DSTYK: variants seen among roughly 807,000 people sequenced by gnomAD.
DSTYK encodes RIP-homologous kinase.
DSTYK carries 34 observed loss-of-function variants against 98.7 expected under a neutral mutation model. The ratio of observed to expected loss-of-function variants is 0.34; its 90% CI spans 0.26 to 0.46. The LOEUF (loss-of-function observed/expected upper bound fraction) is 0.46, where lower values mean the gene tolerates loss of function less well. Ranked by LOEUF, DSTYK falls within the 20% of genes least tolerant of loss-of-function variation. DSTYK has a pLI of 1.00. For synonymous variants in DSTYK, 462 were observed against 457.3 expected (o/e 1.01, Z -0.13); for missense variants, 962 against 1,181.7 (o/e 0.81, Z 2.73).
intron 1 of DSTYK, among the ~76,000 whole-genome samples, chr1:205,191,864 T>C (rs1658722923): frequency 6.6e-6 from 1 of 152,180 alleles, no homozygotes; most frequent in African/African-American, 2.4e-5. Context: ...TTTTCTTTTG[T>C]AATTAATACA....
At position 205,143,578 on chromosome 1, in the gene DSTYK, G is replaced by A. The variant is rs1281869263; in HGVS notation, c.*3980C>T. 6.6e-6 allele frequency: 1 copy of A among 152,566 alleles called. No individual in the cohort carries two copies. The highest frequency in any genetic ancestry group is 1.5e-5 in the Non-Finnish European group (1 of 68,044). 9.5% of individuals were successfully genotyped at this position (152,566 alleles called of 1,614,324 possible). A position where few individuals can be genotyped will look rare whatever the true frequency, so the allele number is the denominator to read the frequency against. On this transcript the variant is annotated 3_prime_UTR_variant, in exon 13 of 13. Coordinates refer to ENST00000367162, the MANE Select transcript of DSTYK (RefSeq NM_015375.3). ...ATCATCTCTCCAAAGCAAGCCCAAA[G>A]GGGGCTTTAACTTCCCAAAGTGCTA...
intron 2 of DSTYK, among the ~76,000 whole-genome samples, chr1:205,186,447 A>G (rs1002596506): frequency 2.0e-5 from 3 of 152,208 alleles, no homozygotes; most frequent in Admixed American, 1.3e-4. Context: ...GGCCACAACC[A>G]AAGGACTCAT....
intron 1 of DSTYK, chr1:205,202,854 G>A (rs1029102171): frequency 7.7e-6 from 3 of 391,370 alleles, no homozygotes; most frequent in Middle Eastern, 1.5e-3. Flanking sequence ...TGAGTAACAG[G>A]TATAAGGTAA....
Position 205,147,105 on chromosome 1 carries a change from T to G in DSTYK, c.*453A>C, listed in dbSNP as rs1048667455. ...AGTTATTGTTTTTGTCCCCATGTTTTCATAATCCCAGAACTAAGCTCAAAT... is the reference window on the plus strand; with the variant it reads ...AGTTATTGTTTTTGTCCCCATGTTTGCATAATCCCAGAACTAAGCTCAAAT... On this transcript the variant is annotated 3_prime_UTR_variant, in exon 13 of 13. Coordinates refer to ENST00000367162, the MANE Select transcript of DSTYK (RefSeq NM_015375.3). 2.0e-5 allele frequency: 3 copies of G among 153,522 alleles called. No homozygotes were observed. The highest frequency in any genetic ancestry group is 2.0e-4 in the Admixed American group (3 of 15,380). The allele number at this position is 153,522 out of a possible 1,614,324, so 9.5% of individuals were successfully genotyped here. A position where few individuals can be genotyped will look rare whatever the true frequency, so the allele number is the denominator to read the frequency against.
At chr1:205,174,474 TTG>T in intron 2 of DSTYK, among the ~76,000 whole-genome samples, 1 of 145,602 alleles carries the variant, frequency 6.9e-6, no homozygotes, top group East Asian at 2.1e-4. Context: ...GATCATGCCA[TTG>T]TACTCCAGAA....
chr1:205,162,351 C>G (rs1657753542), intron 5 of DSTYK, 139 bp from the exon 6 acceptor site: 2 of 1,016,002 alleles, frequency 2.0e-6, no homozygotes, highest in Non-Finnish European at 2.8e-6. Context: ...GTCCAAAGTT[C>G]CTTTCCAATT....
At chr1:205,161,959 C>A in intron 6 of DSTYK, 77 bp downstream of exon 6, 1 of 1,436,262 alleles carries the variant, frequency 7.0e-7, no homozygotes. Flanking sequence ...ATATGAAGAG[C>A]GGAGAGCGAA....
rs376773999 is a variant in DSTYK, at chr1:205,148,191, C to T, written c.2602+14G>A. 3 of 1,613,862 alleles carry T rather than the reference C, an allele frequency of 1.9e-6. No homozygotes were observed. Among genetic ancestry groups the T allele is most frequent in the Admixed American group, 1.7e-5 (1 of 59,982 alleles). ...CCAGGGGAGTTAGGACAAGGTAGTA[C>T]TTGTGGCTCTTACCCCTCCGCACAT... On this transcript the variant is annotated intron_variant, in intron 12 of 12. Transcript: ENST00000367162.
chr1:205,160,657 C>A (rs959636620), intron 7 of DSTYK, among the ~76,000 whole-genome samples: 2 of 151,996 alleles, frequency 1.3e-5, no homozygotes, highest in African/African-American at 4.8e-5. Flanking sequence ...TCATTGTGAA[C>A]CTGCCTTTAG....
intron 10 of DSTYK, among the ~76,000 whole-genome samples, chr1:205,152,217 G>T (rs1172673181): frequency 1.3e-5 from 2 of 152,124 alleles, no homozygotes; most frequent in African/African-American, 4.8e-5. Flanking sequence ...CGCTCTTGTT[G>T]CCTAGGCTGG....
rs1422320862 is a variant in DSTYK at position 205,161,120 on chromosome 1, A to C, written c.1948+138T>G. The C allele has an allele frequency of 1.2e-5, 13 of 1,114,252 alleles. No homozygotes were observed. The South Asian group carries it at 1.5e-4, about 13-fold the overall frequency. 69.0% of individuals were successfully genotyped at this position (1,114,252 alleles called of 1,614,324 possible). ...ATAAATAGCAGGAAGAGACTTTAGGAATTCAAAAACATCAGTAAGGGTTTA... is the reference window on the plus strand; with the variant it reads ...ATAAATAGCAGGAAGAGACTTTAGGCATTCAAAAACATCAGTAAGGGTTTA... On this transcript the variant is annotated intron_variant, in intron 7 of 12. Transcript: ENST00000367162.
At chr1:205,194,154 C>T (rs1658793916) in intron 1 of DSTYK, among the ~76,000 whole-genome samples, 2 of 152,184 alleles carry the variant, frequency 1.3e-5, no homozygotes, top group African/African-American at 4.8e-5. Context: ...AAACAGTTTT[C>T]CCTGGGTCTT....
intron 1 of DSTYK, among the ~76,000 whole-genome samples, chr1:205,197,984 G>A (rs949241329): frequency 1.3e-5 from 2 of 152,054 alleles, no homozygotes; most frequent in Non-Finnish European, 2.9e-5. Flanking sequence ...ACCTGAGGTC[G>A]GGAGTTTGAG....
rs1033059496 is a variant in DSTYK, at chr1:205,144,551, A to G, written c.*3007T>C. The G allele has an allele frequency of 3.9e-5, 6 of 152,666 alleles. No homozygotes were observed. The highest frequency in any genetic ancestry group is 1.4e-4 in the African/African-American group (6 of 41,466). 9.5% of individuals were successfully genotyped at this position (152,666 alleles called of 1,614,324 possible). On this transcript the variant is annotated 3_prime_UTR_variant, in exon 13 of 13. Transcript: ENST00000367162. ...CAAAGAACAAAGCCAAAATTAGCTG[A>G]CAATGTTATAAAACAAAAGCAAAGT...
At chr1:205,157,471 AGTGATTTTT>A in intron 9 of DSTYK, 85 bp from the exon 10 acceptor site, 1 of 1,153,726 alleles carries the variant, frequency 8.7e-7, no homozygotes, top group Admixed American at 1.9e-5. Flanking sequence ...AGGACAGAAA[AGTGATTTTT>A]AAAAAGGGGA....
At chr1:205,209,549 TAAATGATACCGTTCCA>T (rs1659305150) in intron 1 of DSTYK, among the ~76,000 whole-genome samples, 1 of 151,492 alleles carries the variant, frequency 6.6e-6, no homozygotes, top group Admixed American at 6.6e-5. Context: ...GACAGGGTCC[TAAATGATACCGTTCCA>T]TTTAGTTGGT....
chr1:205,175,399 C>T lies in DSTYK; in HGVS notation c.655-5567G>A, dbSNP rs560065696. Among the ~76,000 whole-genome samples, 18 of 152,292 alleles carry T rather than the reference C, an allele frequency of 1.2e-4. 1 individual carries two copies. The East Asian group carries it at 3.5e-3, about 29-fold the overall frequency. Reference sequence around the variant, plus strand: ...GAGCCACCGTGCCCGCCAGAAGCTGCCTATTCCTAAATATACCTTGTACTA... The same window carrying T: ...GAGCCACCGTGCCCGCCAGAAGCTGTCTATTCCTAAATATACCTTGTACTA... On this transcript the variant is annotated intron_variant, in intron 2 of 12. Coordinates refer to ENST00000367162, the MANE Select transcript of DSTYK (RefSeq NM_015375.3).
intron 5 of DSTYK, 116 bp downstream of exon 5, chr1:205,162,807 A>T (rs1657771582): frequency 3.7e-6 from 3 of 801,786 alleles, no homozygotes; most frequent in Non-Finnish European, 6.4e-6. Flanking sequence ...AAACCAGAAC[A>T]AATGGTCACC....
chr1:205,164,234 C>T (rs1657819791), intron 3 of DSTYK, among the ~76,000 whole-genome samples: 3 of 152,164 alleles, frequency 2.0e-5, no homozygotes, highest in Non-Finnish European at 2.9e-5. Context: ...AGGAGGATTG[C>T]TTGAGCCCAG....
Sources: gnomAD v4.1 joint callset for allele counts (sites outside exome capture counted in the v4.1 genomes callset) on GRCh38, gnomAD v4.1.1 for gene constraint, MANE v1.5 for transcripts, NCBI Gene and HGNC (gene_info 2026-07-23, HGNC 2026-07-21) for gene names.